The following SEMA3E variants were observed in gnomAD, a reference collection of about 807,000 sequenced individuals.
The protein encoded by SEMA3E is semaphorin-3E.
SEMA3E carries 49 observed loss-of-function variants against 93.6 expected under a neutral mutation model. The ratio of observed to expected loss-of-function variants is 0.52; its 90% CI spans 0.42 to 0.66. SEMA3E has a LOEUF of 0.66. SEMA3E is among the 30% of genes least tolerant of loss of function. The pLI, the probability that SEMA3E is intolerant of heterozygous loss-of-function variation, is 0.00. For missense variants in SEMA3E, 906 were observed against 964.8 expected, an observed-to-expected ratio of 0.94 and a Z score of 0.81; for synonymous variants, 363 against 330.7, an observed-to-expected ratio of 1.10 and a Z score of -1.06.
intron 16 of SEMA3E, among the ~76,000 whole-genome samples, chr7:83,384,211 G>A (rs1584207022): frequency 6.6e-6 from 1 of 151,922 alleles, no homozygotes; most frequent in South Asian, 2.1e-4. Flanking sequence ...TAAATTTCAC[G>A]ATAGGCTAGG....
intron 1 of SEMA3E, among the ~76,000 whole-genome samples, chr7:83,505,525 G>A (rs1790683000): frequency 6.6e-6 from 1 of 152,130 alleles, no homozygotes; most frequent in South Asian, 2.1e-4. Context: ...TGGAAGTATA[G>A]GAGTGGATGG....
At chr7:83,394,271 TACAC>T (rs71074649) in intron 13 of SEMA3E, 22 bp downstream of exon 13, 3,178 of 1,319,036 alleles carry the variant, frequency 2.4e-3, no homozygotes, top group South Asian at 3.0e-3. Flanking sequence ...CACACACACC[TACAC>T]ACACACACAC....
chr7:83,560,338 T>C (rs1792005068), intron 1 of SEMA3E, among the ~76,000 whole-genome samples: 1 of 151,936 alleles, frequency 6.6e-6, no homozygotes, highest in Admixed American at 6.6e-5. Context: ...ATATGAGAAA[T>C]CTCCATATCT....
At chr7:83,399,676 T>C (rs1788197946) in intron 11 of SEMA3E, among the ~76,000 whole-genome samples, 1 of 152,222 alleles carries the variant, frequency 6.6e-6, no homozygotes. Context: ...ATTCATTTAT[T>C]CTTATGCATG....
At chr7:83,414,626 A>G (rs2255582) in intron 5 of SEMA3E, among the ~76,000 whole-genome samples, 81,202 of 151,920 alleles carry the variant, frequency 0.53, 23,518 homozygotes, top group East Asian at 0.85. Context: ...ATTATTTGTT[A>G]AAATAAAATT....
At chr7:83,434,746 C>T (rs1788967497) in intron 4 of SEMA3E, among the ~76,000 whole-genome samples, 2 of 138,006 alleles carry the variant, frequency 1.4e-5, no homozygotes, top group South Asian at 4.6e-4. Flanking sequence ...CGGAGTCTCG[C>T]TCTGTCGCCC....
chr7:83,530,810 G>A (rs562998834), intron 1 of SEMA3E, among the ~76,000 whole-genome samples: 32 of 152,116 alleles, frequency 2.1e-4, no homozygotes, highest in South Asian at 1.9e-3. Context: ...CCCGGGAGGC[G>A]GAGGCTGCAG....
intron 1 of SEMA3E, among the ~76,000 whole-genome samples, chr7:83,495,074 T>C (rs1230664444): frequency 6.6e-6 from 1 of 151,958 alleles, no homozygotes; most frequent in Non-Finnish European, 1.5e-5. Flanking sequence ...AAATTTATAA[T>C]ACCATAAATT....
At chr7:83,530,058 T>A (rs1424136572) in intron 1 of SEMA3E, among the ~76,000 whole-genome samples, 1 of 152,308 alleles carries the variant, frequency 6.6e-6, no homozygotes, top group Admixed American at 6.5e-5. Flanking sequence ...TCAACTTTTC[T>A]AGGCCGTGGG....
At chr7:83,636,156 C>T (rs964783842) in intron 1 of SEMA3E, among the ~76,000 whole-genome samples, 1 of 152,108 alleles carries the variant, frequency 6.6e-6, no homozygotes, top group Admixed American at 6.6e-5. Flanking sequence ...TCATACTGTC[C>T]TCTGCCACAG....
chr7:83,415,106 A>G (rs1361604969), intron 5 of SEMA3E, among the ~76,000 whole-genome samples: 2 of 152,138 alleles, frequency 1.3e-5, no homozygotes, highest in East Asian at 3.8e-4. Context: ...CACTTACCAA[A>G]CTTAATAATT....
At chr7:83,544,282 T>C (rs1319949924) in intron 1 of SEMA3E, among the ~76,000 whole-genome samples, 2 of 152,118 alleles carry the variant, frequency 1.3e-5, no homozygotes, top group Non-Finnish European at 2.9e-5. Context: ...AATTGAGAAG[T>C]ACAGTGCTTG....
chr7:83,629,459 G>A (rs1453501831), intron 1 of SEMA3E, among the ~76,000 whole-genome samples: 4 of 152,270 alleles, frequency 2.6e-5, no homozygotes, highest in South Asian at 4.1e-4. Flanking sequence ...CCTGCCTGGG[G>A]CTGCTGCCTT....
At chr7:83,392,393 C>T (rs1788035829) in intron 14 of SEMA3E, among the ~76,000 whole-genome samples, 162 bp downstream of exon 14, 1 of 150,934 alleles carries the variant, frequency 6.6e-6, no homozygotes, top group South Asian at 2.1e-4. Flanking sequence ...TGACTCAAAC[C>T]TGGGTGAAAA....
chr7:83,475,729 G>A (rs1194624139), intron 2 of SEMA3E, among the ~76,000 whole-genome samples: 1 of 152,166 alleles, frequency 6.6e-6, no homozygotes, highest in Non-Finnish European at 1.5e-5. Flanking sequence ...ACTGTGACAG[G>A]CTAACCTGTC....
chr7:83,557,264 A>T (rs1172067724), intron 1 of SEMA3E, among the ~76,000 whole-genome samples: 3 of 151,760 alleles, frequency 2.0e-5, no homozygotes, highest in Admixed American at 1.3e-4. Context: ...AATGAACCTT[A>T]CTAATTTTTA....
At chr7:83,600,399 A>C (rs1459593657) in intron 1 of SEMA3E, among the ~76,000 whole-genome samples, 1 of 150,192 alleles carries the variant, frequency 6.7e-6, no homozygotes, top group Non-Finnish European at 1.5e-5. Context: ...GGCTCACTGC[A>C]AGCTCCGCCT....
chr7:83,625,204 A>T (rs552550552), intron 1 of SEMA3E, among the ~76,000 whole-genome samples: 1 of 152,186 alleles, frequency 6.6e-6, no homozygotes, highest in East Asian at 1.9e-4. Flanking sequence ...TCTTGGCTAT[A>T]TGGGCTCTTT....
At chr7:83,401,985 A>G (rs537365703) in intron 10 of SEMA3E, among the ~76,000 whole-genome samples, 18 of 152,154 alleles carry the variant, frequency 1.2e-4, no homozygotes, top group African/African-American at 3.1e-4. Flanking sequence ...TAAAAGCACA[A>G]AAGACTTCAT....
Sources: gnomAD v4.1 joint callset for allele counts (sites outside exome capture counted in the v4.1 genomes callset) on GRCh38, gnomAD v4.1.1 for gene constraint, MANE v1.5 for transcripts, NCBI Gene and HGNC (gene_info 2026-07-23, HGNC 2026-07-21) for gene names.